MED27: variants seen among roughly 807,000 people sequenced by gnomAD.
The protein encoded by MED27 is mediator of RNA polymerase II transcription subunit 27.
MED27 carries 30 observed loss-of-function variants against 38.2 expected under a neutral mutation model. That is an observed-to-expected ratio of 0.79 (90% CI 0.59 to 1.07). The LOEUF (loss-of-function observed/expected upper bound fraction) is 1.07, where lower values mean the gene tolerates loss of function less well. Ranked by LOEUF, MED27 falls within the 50% of genes least tolerant of loss-of-function variation. The pLI, the probability that MED27 is intolerant of heterozygous loss-of-function variation, is 0.00. For missense variants in MED27, 289 were observed against 397.5 expected (o/e 0.73, Z 2.32); for synonymous variants, 122 against 153.5 (o/e 0.79, Z 1.52).
At chr9:132,052,393 C>T (rs1171674866) in intron 2 of MED27, among the ~76,000 whole-genome samples, 3 of 152,102 alleles carry the variant, frequency 2.0e-5, no homozygotes, top group African/African-American at 7.2e-5. Context: ...AAGTATGTAA[C>T]AGCTATCAGG....
intron 3 of MED27, among the ~76,000 whole-genome samples, chr9:131,953,530 C>T (rs62581864): frequency 0.062 from 9,474 of 152,146 alleles, 422 homozygotes; most frequent in Non-Finnish European, 0.093. Flanking sequence ...TAGCATTGCT[C>T]AGTCATGGTA....
At chr9:131,947,665 AC>A in intron 3 of MED27, among the ~76,000 whole-genome samples, 1 of 150,452 alleles carries the variant, frequency 6.6e-6, no homozygotes. Flanking sequence ...CTAAAGACTG[AC>A]CCCCTCCTCA....
intron 3 of MED27, among the ~76,000 whole-genome samples, chr9:131,948,844 C>T (rs915759113): frequency 9.2e-5 from 14 of 152,294 alleles, no homozygotes; most frequent in African/African-American, 3.1e-4. Flanking sequence ...CCTGTCTTCT[C>T]CTTAGTAGCT....
At chr9:131,948,817 T>C (rs1016792121) in intron 3 of MED27, among the ~76,000 whole-genome samples, 30 of 152,128 alleles carry the variant, frequency 2.0e-4, no homozygotes, top group Admixed American at 7.2e-4. Context: ...CAGGCAGCAG[T>C]AGATGGGGAG....
chr9:132,028,390 T>C (rs1832874011), intron 2 of MED27, among the ~76,000 whole-genome samples: 1 of 152,166 alleles, frequency 6.6e-6, no homozygotes. Flanking sequence ...CTGTCTCCCA[T>C]ACCTTAGAAT....
intron 2 of MED27, among the ~76,000 whole-genome samples, chr9:132,072,285 T>C (rs893220565): frequency 3.3e-5 from 5 of 151,798 alleles, no homozygotes; most frequent in African/African-American, 1.2e-4. Flanking sequence ...ATGATCCAAA[T>C]ACTAGTATTA....
intron 4 of MED27, among the ~76,000 whole-genome samples, chr9:131,936,739 T>C: frequency 6.6e-6 from 1 of 152,260 alleles, no homozygotes. Flanking sequence ...CTGATGCACC[T>C]GGCACCATCA....
chr9:131,987,429 G>T lies in MED27; in HGVS notation c.479+26908C>A, dbSNP rs186313224. On this transcript the variant is annotated intron_variant, in intron 3 of 7. Transcript: ENST00000292035. ...GGAGTCATTTACTCAATGCGGGGAG[G>T]GGGAGCGGTGGGAATGTGGACAAGC... Among the ~76,000 whole-genome samples, 34 of 152,176 alleles carry T rather than the reference G, an allele frequency of 2.2e-4. No homozygotes were observed. The East Asian group carries it at 3.1e-3, about 14-fold the overall frequency.
At chr9:132,030,973 C>T (rs1832946949) in intron 2 of MED27, among the ~76,000 whole-genome samples, 1 of 152,136 alleles carries the variant, frequency 6.6e-6, no homozygotes, top group Non-Finnish European at 1.5e-5. Context: ...AAACACCTAC[C>T]CTGAACAGAA....
chr9:132,037,552 G>T (rs753452343), intron 2 of MED27, among the ~76,000 whole-genome samples: 2 of 152,170 alleles, frequency 1.3e-5, no homozygotes, highest in South Asian at 2.1e-4. Flanking sequence ...TCCTTGGAGC[G>T]GTTGGTAATT....
intron 3 of MED27, among the ~76,000 whole-genome samples, chr9:132,008,667 C>T (rs9411332): frequency 0.56 from 85,891 of 152,030 alleles, 26,369 homozygotes; most frequent in Non-Finnish European, 0.68. Context: ...ACAAACACAT[C>T]GTACACAGCT....
At chr9:131,886,056 A>C (rs1162437171) in intron 5 of MED27, among the ~76,000 whole-genome samples, 1 of 152,242 alleles carries the variant, frequency 6.6e-6, no homozygotes, top group Non-Finnish European at 1.5e-5. Context: ...AAGTCCTTTA[A>C]GAAGACAGGA....
intron 6 of MED27, chr9:131,869,514 T>A: frequency 1.4e-6 from 1 of 698,760 alleles, no homozygotes; most frequent in Non-Finnish European, 1.8e-6. Flanking sequence ...CCCTCCCCCT[T>A]GGCGGAGGCC....
At chr9:131,955,579 G>A (rs1831079832) in intron 3 of MED27, among the ~76,000 whole-genome samples, 1 of 152,172 alleles carries the variant, frequency 6.6e-6, no homozygotes, top group South Asian at 2.1e-4. Flanking sequence ...ATGAGACATC[G>A]CTCAGATTCT....
chr9:131,989,411 C>T (rs989426326), intron 3 of MED27, among the ~76,000 whole-genome samples: 2 of 152,132 alleles, frequency 1.3e-5, no homozygotes, highest in Non-Finnish European at 1.5e-5. Context: ...TGAGAGGCTT[C>T]GGCAATAGGT....
intron 2 of MED27, among the ~76,000 whole-genome samples, chr9:132,050,028 G>A (rs1463511939): frequency 6.6e-6 from 1 of 152,080 alleles, no homozygotes; most frequent in Non-Finnish European, 1.5e-5. Context: ...AACATGGGAT[G>A]GGCCTGATCA....
rs1002694930 is a variant in MED27 at position 131,861,910 on chromosome 9, T to A, written c.801+1153A>T. Reference sequence around the variant, plus strand: ...TCCCGCTTCAGCCTCCTGAGTGGAGTCACTGGGATTCAAATCTTCCCTAAA... The same window carrying A: ...TCCCGCTTCAGCCTCCTGAGTGGAGACACTGGGATTCAAATCTTCCCTAAA... On this transcript the variant is annotated intron_variant, in intron 7 of 7. Transcript: ENST00000292035. This position sits in a 1 kb window ranked among gnomAD's most constrained non-coding sequence, Gnocchi z 4.4. Among the ~76,000 whole-genome samples the A allele has an allele frequency of 6.6e-6, 1 of 151,952 alleles. No individual in the cohort carries two copies. The highest frequency in any genetic ancestry group is 1.5e-5 in the Non-Finnish European group (1 of 68,006).
At chr9:132,032,841 C>A (rs967437973) in intron 2 of MED27, among the ~76,000 whole-genome samples, 15 of 152,160 alleles carry the variant, frequency 9.9e-5, no homozygotes, top group Admixed American at 2.6e-4. Context: ...TCATGGGGAT[C>A]ACCTAGTCCC....
chr9:132,029,193 T>C (rs552168279), intron 2 of MED27, among the ~76,000 whole-genome samples: 251 of 152,314 alleles, frequency 1.6e-3, no homozygotes, highest in Non-Finnish European at 2.9e-3. Flanking sequence ...GAACAAATAG[T>C]AGAGATTGAA....
Sources: gnomAD v4.1 joint callset for allele counts (sites outside exome capture counted in the v4.1 genomes callset) on GRCh38, gnomAD v4.1.1 for gene constraint, Gnocchi (gnomAD v3.1) non-coding constraint, MANE v1.5 for transcripts, NCBI Gene and HGNC (gene_info 2026-07-23, HGNC 2026-07-21) for gene names.